Variants in MORC3 observed in about 807,000 individuals in gnomAD.
MORC3 encodes MORC family CW-type zinc finger 3, also known as MORC family CW-type zinc finger protein 3.
MORC3 carries 31 observed loss-of-function variants against 109.1 expected under a neutral mutation model. The observed-to-expected ratio is 0.28, with a 90% confidence interval of 0.21 to 0.38. The LOEUF (loss-of-function observed/expected upper bound fraction) is 0.38. Among genes scored for constraint, MORC3 ranks in the 10% least tolerant of loss-of-function variants. The probability of loss-of-function intolerance (pLI) is 1.00; values close to 1 mark genes in which losing one functional copy is unlikely to be tolerated. For missense variants in MORC3, 867 were observed against 1,135.8 expected (o/e 0.76, Z 3.40); for synonymous variants, 395 against 380.7 (o/e 1.04, Z -0.44).
intron 15 of MORC3, among the ~76,000 whole-genome samples, chr21:36,370,924 C>G (rs1047204781): frequency 6.6e-6 from 1 of 152,004 alleles, no homozygotes; most frequent in Non-Finnish European, 1.5e-5. Flanking sequence ...CCATCTTGGC[C>G]TCCCAAAGTG....
intron 14 of MORC3, among the ~76,000 whole-genome samples, chr21:36,364,828 G>A (rs2146334794): frequency 6.6e-6 from 1 of 150,508 alleles, no homozygotes; most frequent in Admixed American, 6.7e-5. Context: ...GAGGTGGGTG[G>A]ATCATTTGAG....
intron 10 of MORC3, among the ~76,000 whole-genome samples, chr21:36,358,921 C>T (rs2085679884): frequency 6.6e-6 from 1 of 152,030 alleles, no homozygotes; most frequent in South Asian, 2.1e-4. Flanking sequence ...CCTCATGATC[C>T]ACCCGCGTCA....
At position 36,320,218 on chromosome 21, in the gene MORC3, A is replaced by AGTC. The variant is rs1416750633; in HGVS notation, c.-45_-43dup. The AGTC allele has an allele frequency of 6.5e-7, 1 of 1,531,800 alleles. No individual in the cohort carries two copies. The highest frequency in any genetic ancestry group is 1.9e-5 in the Admixed American group (1 of 51,544). 94.9% of individuals were successfully genotyped at this position (1,531,800 alleles called of 1,614,324 possible). ...CTCCACAGTCGTTCCGCCACCTCCCAGTCGGGTTGCGGCGGAGGCCGTTCC... is the reference window on the plus strand; with the variant it reads ...CTCCACAGTCGTTCCGCCACCTCCCAGTCGTCGGGTTGCGGCGGAGGCCGTTCC... On this transcript the variant is annotated 5_prime_UTR_variant, in exon 1 of 17. Transcript: ENST00000400485.
chr21:36,342,263 C>T (rs374939210), intron 6 of MORC3, among the ~76,000 whole-genome samples: 8 of 151,922 alleles, frequency 5.3e-5, no homozygotes, highest in East Asian at 1.9e-4. Context: ...AAAAATTTAA[C>T]GTATTCTAGA....
At position 36,341,507 on chromosome 21, in the gene MORC3, G is replaced by A. The variant is rs2085445278; in HGVS notation, c.717G>A (p.Arg239=). 5 of 1,613,948 alleles carry A rather than the reference G, an allele frequency of 3.1e-6. No individual in the cohort carries two copies. The highest frequency in any genetic ancestry group is 4.2e-6 in the Non-Finnish European group (5 of 1,180,034). The change falls in exon 6 of 17, where the codon AGG becomes AGA. Residue 239 remains arginine, a synonymous_variant. Coordinates refer to ENST00000400485, the MANE Select transcript of MORC3 (RefSeq NM_015358.3). The part of the protein sequence containing the change: ...TGKKGYKKQE[R]MDQIAPESDY... The stretch of plus-strand genomic sequence containing the variant: ...AGAAGGGGTACAAGAAGCAGGAAAG[G>A]ATGGACCAGATTGCCCCTGAGAGTG...
chr21:36,350,776 A>T (rs2085561874), intron 9 of MORC3, among the ~76,000 whole-genome samples: 1 of 152,184 alleles, frequency 6.6e-6, no homozygotes, highest in Non-Finnish European at 1.5e-5. Context: ...ATCACTTTTT[A>T]GAAAACTTCC....
intron 6 of MORC3, among the ~76,000 whole-genome samples, chr21:36,344,150 G>A (rs1320563978): frequency 2.0e-5 from 3 of 151,722 alleles, no homozygotes; most frequent in African/African-American, 7.3e-5. Flanking sequence ...TTTGAGGTGG[G>A]GGGGTCTCCC....
At chr21:36,338,546 C>T (rs891052066) in intron 4 of MORC3, among the ~76,000 whole-genome samples, 6 of 151,626 alleles carry the variant, frequency 4.0e-5, no homozygotes, top group Admixed American at 2.0e-4. Context: ...AAAAATTAGC[C>T]GGTCGTGGTG....
At chr21:36,359,064 G>A (rs936273772) in intron 10 of MORC3, among the ~76,000 whole-genome samples, 6 of 152,114 alleles carry the variant, frequency 3.9e-5, no homozygotes, top group African/African-American at 1.4e-4. Flanking sequence ...GAGGGCAAAA[G>A]TGTCTTATTT....
rs201431378 is a variant in MORC3, at chr21:36,362,274, G to C, written c.1452+46G>C. On this transcript the variant is annotated intron_variant, in intron 13 of 16. Coordinates refer to ENST00000400485, the MANE Select transcript of MORC3 (RefSeq NM_015358.3). ...TTTTTTTTTTTTAAATAGAGATGGG[G>C]GCTGACACCCGTAATCCCAGCATTT... The C allele has an allele frequency of 1.8e-4, 277 of 1,558,512 alleles. No homozygotes were observed. The African/African-American group carries it at 2.8e-3, about 16-fold the overall frequency.
intron 9 of MORC3, among the ~76,000 whole-genome samples, chr21:36,352,747 T>C (rs1030718500): frequency 6.6e-6 from 1 of 152,118 alleles, no homozygotes; most frequent in African/African-American, 2.4e-5. Context: ...CAGTCAAAGA[T>C]CCACGTATAA....
chr21:36,338,986 T>C lies in MORC3; in HGVS notation c.608+65T>C, dbSNP rs554688782. 6.8e-5 allele frequency: 104 copies of C among 1,539,700 alleles called. No individual in the cohort carries two copies. The African/African-American group carries it at 1.1e-3, about 17-fold the overall frequency. On this transcript the variant is annotated intron_variant, in intron 5 of 16. Coordinates refer to ENST00000400485, the MANE Select transcript of MORC3 (RefSeq NM_015358.3). ...GTGCACGTGCAGGGTGGTGGTGTTA[T>C]ATTCATCTCTCGTTACACACAGTAG...
In MORC3 at chr21:36,369,326, A is replaced by G. The variant is rs2085822400; in HGVS notation, c.1958A>G (p.Glu653Gly). Reference protein sequence around the residue: ...EVPSLVVKKEETVEDEIDVRN... With the variant: ...EVPSLVVKKEGTVEDEIDVRN... The stretch of plus-strand genomic sequence containing the variant: ...CCAAGTTTAGTTGTTAAAAAAGAAG[A>G]AACTGTTGAAGACGAGATAGACGTA... The change falls in exon 15 of 17, where the codon GAA becomes GGA. Residue 653 changes from glutamate to glycine, a missense_variant. Around this residue, in one of 7 missense-constraint regions of MORC3, gnomAD observed 486 missense variants for 502.1 expected, o/e 0.97. Coordinates refer to ENST00000400485, the MANE Select transcript of MORC3 (RefSeq NM_015358.3). The G allele has an allele frequency of 6.2e-7, 1 of 1,614,094 alleles. No individual in the cohort carries two copies. The highest frequency in any genetic ancestry group is 1.1e-5 in the South Asian group (1 of 91,082).
intron 7 of MORC3, 88 bp downstream of exon 7, chr21:36,344,795 A>T: frequency 1.3e-6 from 2 of 1,585,414 alleles, no homozygotes; most frequent in East Asian, 2.2e-5. Context: ...TAGGGATTCT[A>T]GTCTGCTCTA....
chr21:36,359,829 T>C, intron 10 of MORC3, 126 bp from the exon 11 acceptor site: 1 of 1,379,406 alleles, frequency 7.2e-7, no homozygotes, highest in Non-Finnish European at 1.0e-6. Flanking sequence ...TTTGAAAGAG[T>C]TACGTCATAA....
chr21:36,330,107 C>T (rs943025529), intron 1 of MORC3, among the ~76,000 whole-genome samples: 3 of 152,102 alleles, frequency 2.0e-5, no homozygotes, highest in Non-Finnish European at 4.4e-5. Flanking sequence ...GGTGATCCAC[C>T]AGCCTTGGCC....
intron 1 of MORC3, among the ~76,000 whole-genome samples, chr21:36,330,850 A>G (rs4816532): frequency 0.73 from 111,225 of 152,158 alleles, 41,745 homozygotes; most frequent in East Asian, 1. Context: ...ATGAAGAGCT[A>G]GAAATTTAGT....
At chr21:36,350,372 C>T (rs899598631) in intron 9 of MORC3, among the ~76,000 whole-genome samples, 1 of 151,634 alleles carries the variant, frequency 6.6e-6, no homozygotes, top group African/African-American at 2.4e-5. Context: ...GGCGGAGGAT[C>T]GCTTGAGCCG....
chr21:36,336,896 G>C lies in MORC3; in HGVS notation c.135G>C (p.Val45=). The C allele has an allele frequency of 6.2e-7, 1 of 1,611,072 alleles. No homozygotes were observed. The highest frequency in any genetic ancestry group is 8.5e-7 in the Non-Finnish European group (1 of 1,178,862). Residue 45 remains valine (V), a synonymous_variant, in exon 3 of 17, where the codon GTG becomes GTC. Coordinates refer to ENST00000400485, the MANE Select transcript of MORC3 (RefSeq NM_015358.3). ...CAGATAATGCTTATGATCCTGATGT[G>C]AACGCTAAACAAATATGGATTGACA... The part of the protein sequence containing the change: ...ELIDNAYDPD[V]NAKQIWIDKT...
Sources: allele counts gnomAD v4.1 joint callset (sites outside exome capture counted in the v4.1 genomes callset), GRCh38; gene constraint gnomAD v4.1.1; regional missense constraint gnomAD v4.1.1; transcripts MANE v1.5; gene names NCBI Gene and HGNC (gene_info 2026-07-23, HGNC 2026-07-21).